GSE1: variants seen among roughly 807,000 people sequenced by gnomAD.
The protein encoded by GSE1 is Gse1 coiled-coil protein, also known as genetic suppressor element 1.
Under a neutral mutation model 112.6 loss-of-function variants are expected in GSE1, and 32 were observed. The ratio of observed to expected loss-of-function variants is 0.28; its 90% CI spans 0.21 to 0.38. The LOEUF (loss-of-function observed/expected upper bound fraction) is 0.38, where lower values mean the gene tolerates loss of function less well. Among genes scored for constraint, GSE1 ranks in the 10% least tolerant of loss-of-function variants. The pLI is 1.00. For missense variants in GSE1, 2,348 were observed against 1,699.2 expected, an observed-to-expected ratio of 1.38 and a Z score of -6.71; for synonymous variants, 1,115 against 735.6, an observed-to-expected ratio of 1.52 and a Z score of -8.35.
intron 2 of GSE1, among the ~76,000 whole-genome samples, chr16:85,446,205 C>G (rs75704134): frequency 0.023 from 3,510 of 152,288 alleles, 69 homozygotes; most frequent in Non-Finnish European, 0.038. Context: ...CCCGGAGGAC[C>G]TGTATTTCCC....
Position 85,579,738 on chromosome 16 carries a change from G to A in GSE1, c.37+23375G>A, listed in dbSNP as rs570853316. On this transcript the variant is annotated intron_variant, in intron 1 of 2. Transcript: ENST00000635906. ...GGGTTCCTGCTGAAAGTTCCTTTTCGGTCTGGGCCAGGAAGAGAGTCATGG... is the reference window on the plus strand; with the variant it reads ...GGGTTCCTGCTGAAAGTTCCTTTTCAGTCTGGGCCAGGAAGAGAGTCATGG... Among the ~76,000 whole-genome samples the A allele has an allele frequency of 2.0e-5, 3 of 152,292 alleles. No homozygotes were observed. In the East Asian group the frequency reaches 5.8e-4, roughly 29 times the overall value.
rs145502361 is a variant in GSE1, at chr16:85,569,398, C to T, written c.37+13035C>T. On this transcript the variant is annotated intron_variant, in intron 1 of 2. Coordinates refer to the GSE1 transcript ENST00000635906. ...AGTGGTCGGATGTGAATTCTTGCTC[C>T]GCCTTGAGTCCTTGTGTATGAGACT... is the stretch of plus-strand genomic sequence containing the variant. Among the ~76,000 whole-genome samples, 27 of 152,328 alleles carry T rather than the reference C, an allele frequency of 1.8e-4. No individual in the cohort carries two copies. In the East Asian group the frequency reaches 1.9e-3, roughly 11 times the overall value.
chr16:85,231,168 AGATGGATG>A (rs765890821), intron 1 of GSE1, among the ~76,000 whole-genome samples: 3 of 139,890 alleles, frequency 2.1e-5, no homozygotes, highest in Non-Finnish European at 3.1e-5. Context: ...ATAGAAGGAC[AGATGGATG>A]GATGGATGGA....
chr16:85,259,816 C>CATGG (rs781782289), intron 1 of GSE1, among the ~76,000 whole-genome samples: 1 of 152,190 alleles, frequency 6.6e-6, no homozygotes, highest in Non-Finnish European at 1.5e-5. Flanking sequence ...GCGCATGGGG[C>CATGG]ATGGCACTGA....
At chr16:85,315,984 G>A (rs1427941733) in intron 1 of GSE1, among the ~76,000 whole-genome samples, 1 of 152,202 alleles carries the variant, frequency 6.6e-6, no homozygotes, top group Non-Finnish European at 1.5e-5. Flanking sequence ...TGGTGCCCAT[G>A]GTGCCCCTGC....
intron 1 of GSE1, among the ~76,000 whole-genome samples, chr16:85,183,896 T>C (rs1365671965): frequency 6.6e-6 from 1 of 152,170 alleles, no homozygotes; most frequent in African/African-American, 2.4e-5. Context: ...TTCTAGAACT[T>C]TCTTCACAGA....
chr16:85,667,782 C>T (rs2052992667), intron 13 of GSE1, among the ~76,000 whole-genome samples: 1 of 152,128 alleles, frequency 6.6e-6, no homozygotes, highest in African/African-American at 2.4e-5. Context: ...TTGCTTGAAC[C>T]TGGGAGGGGA....
chr16:85,201,433 G>A (rs772780046), intron 1 of GSE1, among the ~76,000 whole-genome samples: 1 of 151,646 alleles, frequency 6.6e-6, no homozygotes, highest in African/African-American at 2.4e-5. Flanking sequence ...CGAGGGCGGT[G>A]GATTGCTTGA....
intron 2 of GSE1, among the ~76,000 whole-genome samples, chr16:85,362,721 G>A (rs1022547764): frequency 6.6e-6 from 1 of 152,180 alleles, no homozygotes; most frequent in African/African-American, 2.4e-5. Flanking sequence ...TTTCTGCATG[G>A]CCATTGGGGC....
At chr16:85,423,888 AC>A (rs1380148292) in intron 2 of GSE1, among the ~76,000 whole-genome samples, 5 of 151,824 alleles carry the variant, frequency 3.3e-5, no homozygotes, top group Non-Finnish European at 5.9e-5. Context: ...TTCGGGGAAG[AC>A]CCCCTGAGGC....
At chr16:85,202,049 CTGGTGGGTGG>C (rs2075038257) in intron 1 of GSE1, among the ~76,000 whole-genome samples, 1 of 152,156 alleles carries the variant, frequency 6.6e-6, no homozygotes, top group South Asian at 2.1e-4. Context: ...AGTGCAAGTC[CTGGTGGGTGG>C]TGGCGGGCCT....
rs369127760 is a variant in GSE1, at chr16:85,633,906, T to G, written c.8-8T>G. ...GGGTGACCTCTGGTTCTTCTTTTCCTGTTTCAGGCATGAGCCATGAGCCCA... is the reference window on the plus strand; with the variant it reads ...GGGTGACCTCTGGTTCTTCTTTTCCGGTTTCAGGCATGAGCCATGAGCCCA... On this transcript the variant is annotated splice_polypyrimidine_tract_variant and splice_region_variant and intron_variant, in intron 1 of 15. Coordinates refer to ENST00000253458, the MANE Select transcript of GSE1 (RefSeq NM_014615.5). 1 of 1,604,990 alleles carries G rather than the reference T, an allele frequency of 6.2e-7. No individual in the cohort carries two copies. The highest frequency in any genetic ancestry group is 8.5e-7 in the Non-Finnish European group (1 of 1,175,274).
At chr16:85,654,767 C>T (rs2051763641) in intron 4 of GSE1, 27 bp from the exon 5 acceptor site, 3 of 1,516,080 alleles carry the variant, frequency 2.0e-6, no homozygotes, top group Non-Finnish European at 2.7e-6. Flanking sequence ...CACCTGTCCC[C>T]ACCTTGCCCA....
At chr16:85,283,243 C>G (rs916566803) in intron 1 of GSE1, 4 of 152,904 alleles carry the variant, frequency 2.6e-5, no homozygotes, top group African/African-American at 9.6e-5. Flanking sequence ...TTCTCCGCTG[C>G]CCTTGTGCCT....
At position 85,171,165 on chromosome 16, in the gene GSE1, G is replaced by A. The variant is rs1411201937; in HGVS notation, c.1641G>A (p.Leu547=). 3 of 985,548 alleles carry A rather than the reference G, an allele frequency of 3.0e-6. No individual in the cohort carries two copies. In the African/African-American group the frequency reaches 5.2e-5, roughly 17 times the overall value. 61.1% of individuals were successfully genotyped at this position (985,548 alleles called of 1,614,324 possible). A position where few individuals can be genotyped will look rare whatever the true frequency, so the allele number is the denominator to read the frequency against. The change falls in exon 1 of 3, where the codon CTG becomes CTA. Residue 547 remains leucine, a synonymous_variant. Coordinates refer to the GSE1 transcript ENST00000637419. ...GCGTCCTGGAGGATGTCTGGGCCCT[G>A]TACCGGGCCTGCCAGAACGAGGAGC...
chr16:85,461,881 G>A (rs935534591), intron 2 of GSE1, among the ~76,000 whole-genome samples: 5 of 151,944 alleles, frequency 3.3e-5, no homozygotes, highest in African/African-American at 1.2e-4. Context: ...CAGCTCCTGA[G>A]AGCGGCAGGC....
chr16:85,580,309 A>T (rs914721310), intron 1 of GSE1: 1 of 152,252 alleles, frequency 6.6e-6, no homozygotes, highest in Non-Finnish European at 1.5e-5. Context: ...GAGAGGGAGA[A>T]GGGGTGAGTG....
At chr16:85,186,605 GA>G (rs758525570) in intron 1 of GSE1, among the ~76,000 whole-genome samples, 2,899 of 122,816 alleles carry the variant, frequency 0.024, 59 homozygotes, top group African/African-American at 0.066. Flanking sequence ...TCTGTCTCAA[GA>G]AAAAAAAAAA....
chr16:85,658,375 T>G (rs573925961), intron 8 of GSE1, among the ~76,000 whole-genome samples: 1 of 152,336 alleles, frequency 6.6e-6, no homozygotes, highest in South Asian at 2.1e-4. Context: ...CTGATTCTGT[T>G]CCCTGAGCCT....
Sources: allele counts gnomAD v4.1 joint callset (sites outside exome capture counted in the v4.1 genomes callset), GRCh38; gene constraint gnomAD v4.1.1; transcripts MANE v1.5; gene names NCBI Gene and HGNC (gene_info 2026-07-23, HGNC 2026-07-21).